Variants in SYNCRIP observed in about 807,000 individuals in gnomAD.
The protein encoded by SYNCRIP is heterogeneous nuclear ribonucleoprotein Q.
SYNCRIP carries 9 observed loss-of-function variants against 68.9 expected under a neutral mutation model. The observed-to-expected ratio is 0.13, with a 90% confidence interval of 0.08 to 0.23. The LOEUF (loss-of-function observed/expected upper bound fraction) is 0.23. Ranked by LOEUF, SYNCRIP falls within the 10% of genes least tolerant of loss-of-function variation. SYNCRIP has a pLI of 1.00. For synonymous variants in SYNCRIP, 258 were observed against 254.0 expected, an observed-to-expected ratio of 1.02 and a Z score of -0.15; for missense variants, 414 against 770.6, an observed-to-expected ratio of 0.54 and a Z score of 5.48.
At position 85,622,468 on chromosome 6, in the gene SYNCRIP, T is replaced by C; in HGVS notation, c.1008+14A>G. 6.3e-7 allele frequency: 1 copy of C among 1,596,112 alleles called. No homozygotes were observed. The highest frequency in any genetic ancestry group is 8.6e-7 in the Non-Finnish European group (1 of 1,166,446). Reference sequence around the variant, plus strand: ...TAATCCCTCAAAAAATATTTTTAACTTGACTATCATTACCTTTGCCATAAC... The same window carrying C: ...TAATCCCTCAAAAAATATTTTTAACCTGACTATCATTACCTTTGCCATAAC... On this transcript the variant is annotated intron_variant, in intron 8 of 10. Transcript: ENST00000369622.
In SYNCRIP at chr6:85,623,716, AG is replaced by A. The variant is rs1806717108; in HGVS notation, c.802+260del. Among the ~76,000 whole-genome samples the A allele has an allele frequency of 2.0e-5, 3 of 152,272 alleles. No individual in the cohort carries two copies. The South Asian group carries it at 6.2e-4, about 32-fold the overall frequency. On this transcript the variant is annotated intron_variant, in intron 7 of 10. Coordinates refer to ENST00000369622, the MANE Select transcript of SYNCRIP (RefSeq NM_006372.5). ...AAAGAAATACGATCTTCCAAAACAT[AG>A]GAAGAACAATGATTTTGCAGAATGA...
chr6:85,626,479 A>AT (rs1807046427), intron 6 of SYNCRIP, among the ~76,000 whole-genome samples: 1 of 152,168 alleles, frequency 6.6e-6, no homozygotes, highest in South Asian at 2.1e-4. Flanking sequence ...GGGAACTGGT[A>AT]TTTTCCAAAT....
chr6:85,627,110 C>T (rs1485332570), intron 6 of SYNCRIP, among the ~76,000 whole-genome samples: 1 of 151,648 alleles, frequency 6.6e-6, no homozygotes, highest in African/African-American at 2.4e-5. Flanking sequence ...TACTAAAACA[C>T]AAAAGAAATT....
At chr6:85,624,772 AT>A (rs1407580109) in intron 6 of SYNCRIP, among the ~76,000 whole-genome samples, 2 of 152,234 alleles carry the variant, frequency 1.3e-5, no homozygotes, top group African/African-American at 4.8e-5. Flanking sequence ...AAAAAGCAAC[AT>A]GTCAAAGTGA....
Position 85,622,554 on chromosome 6 carries a change from C to T in SYNCRIP, c.936G>A (p.Lys312=). The change falls in exon 8 of 11, where the codon AAG becomes AAA. Residue 312 remains lysine (K), a synonymous_variant. Transcript: ENST00000369622. ...ARRRLMSGKV[K]VWGNVGTVEW... is the part of the protein sequence containing the mutation. ...CAACAGTTCCAACATTCCCCCAGAC[C>T]TTGACTTTACCACTCATTAACCTAC... 2 of 1,614,180 alleles carry T rather than the reference C, an allele frequency of 1.2e-6. No individual in the cohort carries two copies. Among genetic ancestry groups the T allele is most frequent in the Non-Finnish European group, 1.7e-6 (2 of 1,180,038 alleles).
rs1406852494 is a variant in SYNCRIP at position 85,623,902 on chromosome 6, T to C, written c.802+75A>G. The C allele has an allele frequency of 8.4e-6, 13 of 1,548,662 alleles. No individual in the cohort carries two copies. In the Middle Eastern group the frequency reaches 5.0e-4, roughly 60 times the overall value. On this transcript the variant is annotated intron_variant, in intron 7 of 10. Coordinates refer to ENST00000369622, the MANE Select transcript of SYNCRIP (RefSeq NM_006372.5). Reference sequence around the variant, plus strand: ...GAGTCAATAAATGTATTTAGAACAATGCATGACGCACAGAAATATGCTATT... The same window carrying C: ...GAGTCAATAAATGTATTTAGAACAACGCATGACGCACAGAAATATGCTATT...
At chr6:85,625,386 T>G (rs1299626787) in intron 6 of SYNCRIP, among the ~76,000 whole-genome samples, 3 of 151,990 alleles carry the variant, frequency 2.0e-5, no homozygotes, top group Admixed American at 1.3e-4. Context: ...CAGGGTTTTT[T>G]TTTTTTTGTC....
intron 6 of SYNCRIP, among the ~76,000 whole-genome samples, chr6:85,631,339 C>CACAAAAAAAAAAAA (rs1807754564): frequency 1.1e-5 from 1 of 91,816 alleles, no homozygotes; most frequent in Non-Finnish European, 2.0e-5. Flanking sequence ...ACTGTGTCTC[C>CACAAAAAAAAAAAA]AAAAAAAAAA....
chr6:85,643,517 C>T (rs1809455018), upstream of SYNCRIP, among the ~76,000 whole-genome samples: 2 of 152,016 alleles, frequency 1.3e-5, no homozygotes, highest in Admixed American at 6.5e-5. Context: ...CCCGACACTC[C>T]CCCTCCCTCT....
intron 4 of SYNCRIP, among the ~76,000 whole-genome samples, chr6:85,638,379 T>TTAAAAAAAA (rs1808718588): frequency 5.8e-5 from 1 of 17,104 alleles, no homozygotes; most frequent in Non-Finnish European, 9.5e-5. Flanking sequence ...AGACCCCATC[T>TTAAAAAAAA]CAAAAAAAAA....
At chr6:85,622,749 A>G (rs1806556403) in intron 7 of SYNCRIP, 62 bp from the exon 8 acceptor site, 7 of 1,324,880 alleles carry the variant, frequency 5.3e-6, no homozygotes, top group Middle Eastern at 3.7e-4. Context: ...CAAGTGGATC[A>G]AAGGATTTAT....
intron 6 of SYNCRIP, among the ~76,000 whole-genome samples, chr6:85,625,834 C>A (rs1436065527): frequency 6.6e-6 from 1 of 152,168 alleles, no homozygotes; most frequent in Non-Finnish European, 1.5e-5. Flanking sequence ...ACAAAATACT[C>A]CTCCATGTTA....
intron 6 of SYNCRIP, among the ~76,000 whole-genome samples, chr6:85,626,342 C>T (rs1807028291): frequency 6.6e-6 from 1 of 151,700 alleles, no homozygotes; most frequent in African/African-American, 2.4e-5. Flanking sequence ...ATTGGTCATG[C>T]AATCAGTAAT....
intron 6 of SYNCRIP, among the ~76,000 whole-genome samples, chr6:85,625,385 T>C (rs1219057607): frequency 6.6e-6 from 1 of 152,000 alleles, no homozygotes; most frequent in Non-Finnish European, 1.5e-5. Context: ...ACAGGGTTTT[T>C]TTTTTTTTGT....
chr6:85,611,695 T>C (rs1216492167), downstream of SYNCRIP: 4 of 152,398 alleles, frequency 2.6e-5, no homozygotes, highest in African/African-American at 9.7e-5. Context: ...ATTAAAAACA[T>C]AGCACAAATG....
At chr6:85,621,488 C>T (rs191667212) in intron 8 of SYNCRIP, among the ~76,000 whole-genome samples, 42 of 152,020 alleles carry the variant, frequency 2.8e-4, no homozygotes, top group African/African-American at 9.4e-4. Context: ...TAGTACACAC[C>T]TGTAGTTCTA....
chr6:85,634,462 C>CA (rs1163834412), intron 6 of SYNCRIP, among the ~76,000 whole-genome samples: 1 of 152,196 alleles, frequency 6.6e-6, no homozygotes, highest in East Asian at 1.9e-4. Flanking sequence ...AGTGGTCCCT[C>CA]AGCACATACG....
At chr6:85,633,929 T>C (rs1808131038) in intron 6 of SYNCRIP, among the ~76,000 whole-genome samples, 1 of 152,124 alleles carries the variant, frequency 6.6e-6, no homozygotes, top group Non-Finnish European at 1.5e-5. Flanking sequence ...GCCAAAAGTA[T>C]CTTTTAAAAG....
chr6:85,617,951 T>C (rs998168745), intron 10 of SYNCRIP, among the ~76,000 whole-genome samples: 12 of 152,226 alleles, frequency 7.9e-5, no homozygotes, highest in African/African-American at 1.9e-4. Context: ...TTACAGATTC[T>C]CTAAAAAGGT....
Sources: allele counts gnomAD v4.1 joint callset (sites outside exome capture counted in the v4.1 genomes callset), GRCh38; gene constraint gnomAD v4.1.1; transcripts MANE v1.5; gene names NCBI Gene and HGNC (gene_info 2026-07-23, HGNC 2026-07-21).